The following HEMK2 variants were observed in gnomAD, a reference collection of about 807,000 sequenced individuals.
HEMK2 encodes the protein methyltransferase HEMK2.
the HEMK2 span, among the ~76,000 whole-genome samples, chr21:28,586,511 C>G: frequency 6.6e-6 from 1 of 151,666 alleles, no homozygotes; most frequent in Non-Finnish European, 1.5e-5. Flanking sequence ...ATGGTAACAA[C>G]GAATCACTGC....
the HEMK2 span, among the ~76,000 whole-genome samples, chr21:28,866,807 G>A: frequency 4.6e-5 from 7 of 152,124 alleles, no homozygotes; most frequent in East Asian, 1.9e-4. Context: ...GAGATTAGTA[G>A]CCAGAATATA....
At chr21:28,762,532 A>C in the HEMK2 span, among the ~76,000 whole-genome samples, 1 of 152,126 alleles carries the variant, frequency 6.6e-6, no homozygotes, top group Non-Finnish European at 1.5e-5. Flanking sequence ...ATGTACTTTG[A>C]CTAATGTTCC....
chr21:28,869,561 C>T, the HEMK2 span, among the ~76,000 whole-genome samples: 3 of 152,164 alleles, frequency 2.0e-5, no homozygotes, highest in Admixed American at 2.0e-4. Context: ...GAGCCCTGGC[C>T]ACTGGAATTT....
chr21:28,664,194 C>G, the HEMK2 span, among the ~76,000 whole-genome samples: 5 of 151,998 alleles, frequency 3.3e-5, no homozygotes, highest in African/African-American at 1.2e-4. Context: ...AATCTTTTAC[C>G]CATATGGAAG....
At chr21:28,837,161 C>T in the HEMK2 span, among the ~76,000 whole-genome samples, 1 of 152,166 alleles carries the variant, frequency 6.6e-6, no homozygotes, top group East Asian at 1.9e-4. Flanking sequence ...AACAAAGAAA[C>T]AATGGATTTA....
the HEMK2 span, among the ~76,000 whole-genome samples, chr21:28,868,482 G>A: frequency 6.6e-6 from 1 of 152,170 alleles, no homozygotes; most frequent in Non-Finnish European, 1.5e-5. Context: ...AGGCGTTCAA[G>A]ACCAGCCTGG....
chr21:28,662,144 CCCA>C, the HEMK2 span, among the ~76,000 whole-genome samples: 3 of 152,050 alleles, frequency 2.0e-5, no homozygotes, highest in Non-Finnish European at 1.5e-5. Flanking sequence ...GGGGAAGAGG[CCCA>C]TGAAGCAGGA....
chr21:28,784,843 T>C, the HEMK2 span, among the ~76,000 whole-genome samples: 1 of 152,206 alleles, frequency 6.6e-6, no homozygotes, highest in Non-Finnish European at 1.5e-5. Flanking sequence ...GGCAACCCAC[T>C]CAGATCCCCT....
the HEMK2 span, among the ~76,000 whole-genome samples, chr21:28,707,528 T>C: frequency 6.6e-6 from 1 of 152,190 alleles, no homozygotes; most frequent in Non-Finnish European, 1.5e-5. Context: ...AGTTCTGTTA[T>C]TACAGGCATG....
the HEMK2 span, among the ~76,000 whole-genome samples, chr21:28,790,279 C>T: frequency 6.6e-6 from 1 of 152,016 alleles, no homozygotes; most frequent in Non-Finnish European, 1.5e-5. Context: ...TTTTTTCAAC[C>T]CACTCTCCCA....
At chr21:28,811,941 T>G in the HEMK2 span, among the ~76,000 whole-genome samples, 3 of 152,180 alleles carry the variant, frequency 2.0e-5, no homozygotes, top group East Asian at 5.8e-4. Context: ...TTTCTTCCCT[T>G]AAGGGGTTAG....
chr21:28,845,390 A>G, the HEMK2 span, among the ~76,000 whole-genome samples: 1 of 152,034 alleles, frequency 6.6e-6, no homozygotes, highest in Admixed American at 6.6e-5. Flanking sequence ...CCCCCTTTGC[A>G]TATTTTCTTA....
At chr21:28,576,718 T>C in the HEMK2 span, among the ~76,000 whole-genome samples, 2 of 152,148 alleles carry the variant, frequency 1.3e-5, no homozygotes, top group Non-Finnish European at 2.9e-5. Context: ...TTTGTTTTGT[T>C]TTGTTTTTTG....
At chr21:28,637,132 C>T in the HEMK2 span, among the ~76,000 whole-genome samples, 2 of 152,098 alleles carry the variant, frequency 1.3e-5, no homozygotes, top group Non-Finnish European at 2.9e-5. Context: ...ACTGGATTTC[C>T]AAGCAAAATA....
chr21:28,608,735 C>T, the HEMK2 span, among the ~76,000 whole-genome samples: 2 of 152,162 alleles, frequency 1.3e-5, no homozygotes, highest in African/African-American at 4.8e-5. Flanking sequence ...GTGACACTGG[C>T]CTTTTGGGCT....
the HEMK2 span, among the ~76,000 whole-genome samples, chr21:28,638,552 G>T: frequency 1.3e-5 from 2 of 152,162 alleles, no homozygotes; most frequent in Non-Finnish European, 2.9e-5. Context: ...TTTTAGTGGC[G>T]TATGAGTTGG....
chr21:28,688,819 C>T, the HEMK2 span, among the ~76,000 whole-genome samples: 11 of 151,772 alleles, frequency 7.2e-5, no homozygotes, highest in Non-Finnish European at 1.3e-4. Context: ...GAAAATATAT[C>T]CCTAGTAAAA....
At chr21:28,723,492 TG>T in the HEMK2 span, among the ~76,000 whole-genome samples, 2 of 152,174 alleles carry the variant, frequency 1.3e-5, no homozygotes, top group African/African-American at 2.4e-5. Flanking sequence ...CTTATTACCC[TG>T]GGGATCTTGG....
At chr21:28,877,178 GAGA>G in the HEMK2 span, among the ~76,000 whole-genome samples, 1 of 135,902 alleles carries the variant, frequency 7.4e-6, no homozygotes, top group Admixed American at 7.5e-5. Context: ...AAGAAAGAAA[GAGA>G]GGGAGGGAGG....
Sources: allele counts gnomAD v4.1 joint callset (sites outside exome capture counted in the v4.1 genomes callset), GRCh38; gene constraint gnomAD v4.1.1; transcripts MANE v1.5; gene names NCBI Gene and HGNC (gene_info 2026-07-23, HGNC 2026-07-21).